Variants in ACAT1 observed in about 807,000 individuals in gnomAD.
The protein encoded by ACAT1 is acetyl-CoA acetyltransferase 1, also known as acetyl-CoA acetyltransferase, mitochondrial.
In ACAT1, 28 loss-of-function variants were observed where a neutral mutation model predicts 47.3. That is an observed-to-expected ratio of 0.59 (90% CI 0.44 to 0.81). ACAT1 has a LOEUF of 0.81. Ranked by LOEUF, ACAT1 falls within the 30% of genes least tolerant of loss-of-function variation. ACAT1 has a pLI of 0.00. For missense variants in ACAT1, 469 were observed against 524.3 expected (o/e 0.89, Z 1.03); for synonymous variants, 181 against 173.6 (o/e 1.04, Z -0.34).
intron 3 of ACAT1, 125 bp from the exon 4 acceptor site, chr11:108,134,096 T>G (rs150258264): frequency 1.7e-6 from 2 of 1,180,892 alleles, no homozygotes; most frequent in Non-Finnish European, 2.5e-6. Flanking sequence ...CAGTTTAGAT[T>G]GAAACTCAAA....
chr11:108,118,898 T>TGATGGCG (rs1293260045), upstream of ACAT1, among the ~76,000 whole-genome samples: 1 of 152,232 alleles, frequency 6.6e-6, no homozygotes, highest in Non-Finnish European at 1.5e-5. Flanking sequence ...GTAGTGCCTC[T>TGATGGCG]GATGGCAGAA....
In ACAT1 at chr11:108,122,157, CAG is replaced by C. The variant is rs1281766332; in HGVS notation, c.72+481_72+482del. 2.1e-4 allele frequency among the ~76,000 whole-genome samples: 32 copies of C among 152,298 alleles called. 1 individual carries two copies. Among genetic ancestry groups the C allele is most frequent in the Admixed American group, 1.6e-3 (24 of 15,298 alleles). ...GGGAGAGGGCACCATGTGATCATAACAGATGTTTTTTGGAGCAGCCTGAAATT... is the reference window on the plus strand; with the variant it reads ...GGGAGAGGGCACCATGTGATCATAACATGTTTTTTGGAGCAGCCTGAAATT... On this transcript the variant is annotated intron_variant, in intron 1 of 11. Transcript: ENST00000265838.
At chr11:108,140,341 G>A in intron 7 of ACAT1, 126 bp downstream of exon 7, 1 of 1,123,920 alleles carries the variant, frequency 8.9e-7, no homozygotes, top group Non-Finnish European at 1.3e-6. Flanking sequence ...AAAGTGAAGA[G>A]TTGCCAGTTC....
chr11:108,120,797 G>A (rs2077133673), upstream of ACAT1, among the ~76,000 whole-genome samples: 1 of 152,040 alleles, frequency 6.6e-6, no homozygotes, highest in African/African-American at 2.4e-5. Context: ...GATGGCTCAC[G>A]CCTGTAATCC....
In ACAT1 at chr11:108,147,526, CA is replaced by C; in HGVS notation, c.*140del. 1 of 1,170,978 alleles carries C rather than the reference CA, an allele frequency of 8.5e-7. No homozygotes were observed. Among genetic ancestry groups the C allele is most frequent in the Non-Finnish European group, 1.2e-6 (1 of 830,660 alleles). The allele number at this position is 1,170,978 out of a possible 1,614,324, so 72.5% of individuals were successfully genotyped here. On this transcript the variant is annotated 3_prime_UTR_variant, in exon 12 of 12. Transcript: ENST00000265838. ...ATTTTCTATGTTAACTTTTAAAAAT[CA>C]AAATGATGAAATCCCAAAACATTTT... is the stretch of plus-strand genomic sequence containing the variant.
chr11:108,139,133 A>G, intron 6 of ACAT1, 92 bp downstream of exon 6: 1 of 1,499,780 alleles, frequency 6.7e-7, no homozygotes, highest in East Asian at 2.3e-5. Context: ...GAACTGAAAG[A>G]TGGGCTCTAT....
chr11:108,125,224 G>C (rs1263803091), intron 1 of ACAT1, among the ~76,000 whole-genome samples: 3 of 152,212 alleles, frequency 2.0e-5, no homozygotes. Flanking sequence ...GCTGAGATAG[G>C]AGTGCTGACC....
chr11:108,128,952 T>C (rs1195045974), intron 1 of ACAT1: 1 of 152,232 alleles, frequency 6.6e-6, no homozygotes, highest in African/African-American at 2.4e-5. Context: ...AGTTCTTTAT[T>C]GGTGGTATCT....
At chr11:108,135,040 T>C (rs546612602) in intron 4 of ACAT1, 102 bp from the exon 5 acceptor site, 13 of 766,632 alleles carry the variant, frequency 1.7e-5, no homozygotes, top group South Asian at 1.5e-4. Flanking sequence ...TTTGTAGTTA[T>C]ATTGGCAGAA....
chr11:108,122,342 A>G (rs1330991501), intron 1 of ACAT1, among the ~76,000 whole-genome samples: 1 of 152,250 alleles, frequency 6.6e-6, no homozygotes, highest in Admixed American at 6.5e-5. Context: ...TTTATTCTCC[A>G]CATGCGTAAG....
intron 1 of ACAT1, chr11:108,128,048 C>G (rs1242154943): frequency 2.6e-4 from 39 of 151,970 alleles, no homozygotes; most frequent in Admixed American, 2.5e-3. Flanking sequence ...AGCCCAGGCT[C>G]TTAACTGCTC....
intron 1 of ACAT1, among the ~76,000 whole-genome samples, chr11:108,126,539 T>C (rs932434365): frequency 3.3e-5 from 5 of 152,154 alleles, no homozygotes; most frequent in Admixed American, 3.3e-4. Context: ...TGATCTGATT[T>C]ACATTTTTCA....
chr11:108,137,061 C>A (rs1483112492), intron 5 of ACAT1: 1 of 151,942 alleles, frequency 6.6e-6, no homozygotes, highest in Admixed American at 6.6e-5. Context: ...TGTCTGGCCT[C>A]AAAGGAGCAT....
chr11:108,121,789 A>G lies in ACAT1; in HGVS notation c.72+111A>G, dbSNP rs560882293. The G allele has an allele frequency of 3.6e-5, 45 of 1,260,834 alleles. No homozygotes were observed. In the South Asian group the frequency reaches 5.4e-4, roughly 15 times the overall value. 78.1% of individuals were successfully genotyped at this position (1,260,834 alleles called of 1,614,324 possible). A position where few individuals can be genotyped will look rare whatever the true frequency, so the allele number is the denominator to read the frequency against. On this transcript the variant is annotated intron_variant, in intron 1 of 11. Coordinates refer to ENST00000265838, the MANE Select transcript of ACAT1 (RefSeq NM_000019.4). ...CTCCCGCGGCCCGGGCGCGCGGCTT[A>G]GGCCCCAGGACAGTCACGCGACGGG... is the stretch of plus-strand genomic sequence containing the variant.
At chr11:108,144,400 A>G (rs1413362864) in intron 10 of ACAT1, among the ~76,000 whole-genome samples, 1 of 152,188 alleles carries the variant, frequency 6.6e-6, no homozygotes, top group Admixed American at 6.5e-5. Context: ...GTCACTCCCC[A>G]GGAGAGGACT....
Position 108,135,174 on chromosome 11 carries a change from A to G in ACAT1, c.367A>G (p.Asn123Asp). 6.2e-7 allele frequency: 1 copy of G among 1,613,890 alleles called. No individual in the cohort carries two copies. Among genetic ancestry groups the G allele is most frequent in the Non-Finnish European group, 8.5e-7 (1 of 1,179,882 alleles). Residue 123 changes from asparagine (N) to aspartate (D), a missense_variant, in exon 5 of 12, where the codon AAC (asparagine) becomes GAC (aspartate). Asn to Asp is a conservative substitution (Grantham distance 23). Transcript: ENST00000265838. ...TATTTCTACTCCATGTACCACCATA[A>G]ACAAAGTTTGTGCTTCAGGAATGAA... ...LPISTPCTTINKVCASGMKAI... is the reference protein window; with the variant it reads ...LPISTPCTTIDKVCASGMKAI...
chr11:108,138,977 G>A lies in ACAT1; in HGVS notation c.515G>A (p.Gly172Glu). ...AACAGAGGATCAACACCATATGGTG[G>A]GGTAAAGCTTGAAGATTTGATTGTA... ...VMNRGSTPYG[G>E]VKLEDLIVKD... Residue 172 changes from glycine to glutamate, a missense_variant, in exon 6 of 12, where the codon GGG (glycine) becomes GAG (glutamate). Transcript: ENST00000265838. 6.2e-7 allele frequency: 1 copy of A among 1,614,114 alleles called. No individual in the cohort carries two copies. The highest frequency in any genetic ancestry group is 8.5e-7 in the Non-Finnish European group (1 of 1,180,024).
chr11:108,132,053 C>G, intron 2 of ACAT1, 99 bp downstream of exon 2: 1 of 759,056 alleles, frequency 1.3e-6, no homozygotes, highest in Non-Finnish European at 2.3e-6. Context: ...AAAGTCAAAG[C>G]AGGATTATGT....
intron 7 of ACAT1, among the ~76,000 whole-genome samples, chr11:108,141,122 G>A (rs1047667130): frequency 6.6e-6 from 1 of 152,004 alleles, no homozygotes; most frequent in Non-Finnish European, 1.5e-5. Flanking sequence ...CAGCTACTAG[G>A]GAATCCAAGG....
Sources: allele counts gnomAD v4.1 joint callset (sites outside exome capture counted in the v4.1 genomes callset), GRCh38; gene constraint gnomAD v4.1.1; transcripts MANE v1.5; gene names NCBI Gene and HGNC (gene_info 2026-07-23, HGNC 2026-07-21).